CSMD1: variants seen among roughly 807,000 people sequenced by gnomAD.
CSMD1 encodes the protein CUB and Sushi multiple domains 1.
A neutral mutation model predicts 417.5 loss-of-function variants in CSMD1; 213 were observed. The observed-to-expected ratio is 0.51, with a 90% confidence interval of 0.46 to 0.57. The LOEUF (loss-of-function observed/expected upper bound fraction) is 0.57. Ranked by LOEUF, CSMD1 falls within the 20% of genes least tolerant of loss-of-function variation. CSMD1 has a pLI of 0.00. For missense variants in CSMD1, 6,923 were observed against 4,529.7 expected (o/e 1.53, Z -15.17); for synonymous variants, 2,862 against 1,736.8 (o/e 1.65, Z -16.11).
intron 1 of CSMD1, among the ~76,000 whole-genome samples, chr8:4,673,047 C>T (rs1805428931): frequency 6.6e-6 from 1 of 151,406 alleles, no homozygotes; most frequent in Non-Finnish European, 1.5e-5. Flanking sequence ...ACAACACACA[C>T]ACAAACATGC....
At chr8:3,576,149 G>T (rs1037638427) in intron 9 of CSMD1, among the ~76,000 whole-genome samples, 2 of 152,012 alleles carry the variant, frequency 1.3e-5, no homozygotes, top group African/African-American at 2.4e-5. Context: ...ACAAAACTCA[G>T]CACAACAGGA....
At chr8:4,114,847 G>C (rs1350901643) in intron 3 of CSMD1, among the ~76,000 whole-genome samples, 2 of 152,148 alleles carry the variant, frequency 1.3e-5, no homozygotes, top group African/African-American at 4.8e-5. Flanking sequence ...AGACGTGACT[G>C]AATTGCTGCA....
chr8:4,189,063 A>T (rs570304952), intron 3 of CSMD1, among the ~76,000 whole-genome samples: 31 of 152,322 alleles, frequency 2.0e-4, no homozygotes, highest in African/African-American at 7.2e-4. Flanking sequence ...TATAAGAGTG[A>T]AAGTTAATTA....
chr8:4,530,001 G>A (rs1409508782), intron 2 of CSMD1, among the ~76,000 whole-genome samples: 7 of 151,820 alleles, frequency 4.6e-5, no homozygotes, highest in East Asian at 1.9e-4. Context: ...TGCAAGCCCC[G>A]CCTTCCGGGT....
intron 2 of CSMD1, among the ~76,000 whole-genome samples, chr8:4,479,759 A>G (rs1305984430): frequency 6.6e-6 from 1 of 151,722 alleles, no homozygotes; most frequent in Non-Finnish European, 1.5e-5. Context: ...CTTCCTTAGA[A>G]GCTAATTCTC....
intron 2 of CSMD1, among the ~76,000 whole-genome samples, chr8:4,460,126 T>G (rs1799723097): frequency 6.6e-6 from 1 of 152,192 alleles, no homozygotes; most frequent in Non-Finnish European, 1.5e-5. Context: ...AGAACTACTT[T>G]CAGTTTATTT....
chr8:3,941,241 A>C (rs926643511), intron 5 of CSMD1, among the ~76,000 whole-genome samples: 1 of 152,190 alleles, frequency 6.6e-6, no homozygotes, highest in Non-Finnish European at 1.5e-5. Context: ...TGTATTAATT[A>C]AACATTTAGC....
chr8:3,918,063 T>C (rs1472592812), intron 5 of CSMD1, among the ~76,000 whole-genome samples: 1 of 152,148 alleles, frequency 6.6e-6, no homozygotes, highest in Non-Finnish European at 1.5e-5. Flanking sequence ...TATTTCATTG[T>C]ATATTCCACT....
intron 5 of CSMD1, among the ~76,000 whole-genome samples, chr8:3,766,930 G>T (rs750571810): frequency 3.9e-5 from 6 of 152,044 alleles, no homozygotes; most frequent in Non-Finnish European, 8.8e-5. Flanking sequence ...GATATCCAAC[G>T]AGTCCGACGG....
chr8:4,681,199 T>C (rs561339136), intron 1 of CSMD1, among the ~76,000 whole-genome samples: 1 of 152,264 alleles, frequency 6.6e-6, no homozygotes, highest in South Asian at 2.1e-4. Context: ...CAATTGCATT[T>C]TCTGTAGGAA....
At chr8:3,830,171 T>C (rs1464978770) in intron 5 of CSMD1, among the ~76,000 whole-genome samples, 1 of 152,202 alleles carries the variant, frequency 6.6e-6, no homozygotes, top group East Asian at 1.9e-4. Flanking sequence ...TTCTCTTCCA[T>C]GAAGCTGATT....
chr8:3,038,492 A>G (rs1360566553), intron 50 of CSMD1, among the ~76,000 whole-genome samples: 1 of 152,110 alleles, frequency 6.6e-6, no homozygotes, highest in Non-Finnish European at 1.5e-5. Context: ...GCTCTCTTTG[A>G]AAAGATTGTT....
At chr8:3,665,290 G>T (rs963043448) in intron 7 of CSMD1, among the ~76,000 whole-genome samples, 2 of 152,136 alleles carry the variant, frequency 1.3e-5, no homozygotes, top group African/African-American at 4.8e-5. Context: ...AGCACTTTAG[G>T]AGGCTGAGGT....
chr8:4,276,020 G>A (rs1286406519), intron 3 of CSMD1, among the ~76,000 whole-genome samples: 1 of 152,198 alleles, frequency 6.6e-6, no homozygotes, highest in South Asian at 2.1e-4. Context: ...TACAATGTTG[G>A]TGGGAGTGTA....
Position 3,754,053 on chromosome 8 carries a change from G to A in CSMD1, c.819-11C>T, listed in dbSNP as rs752214319. 4 of 1,586,280 alleles carry A rather than the reference G, an allele frequency of 2.5e-6. No homozygotes were observed. The highest frequency in any genetic ancestry group is 1.7e-5 in the Admixed American group (1 of 58,888). On this transcript the variant is annotated splice_polypyrimidine_tract_variant and intron_variant, in intron 5 of 69. Transcript: ENST00000635120. ...TTCATGCCAGTTAGCCTAGAGAAGAGAAAGAGGAAAAAAATCTCCCTTGTA... is the reference window on the plus strand; with the variant it reads ...TTCATGCCAGTTAGCCTAGAGAAGAAAAAGAGGAAAAAAATCTCCCTTGTA...
At chr8:3,676,277 C>T (rs942550933) in intron 7 of CSMD1, among the ~76,000 whole-genome samples, 1 of 152,130 alleles carries the variant, frequency 6.6e-6, no homozygotes, top group African/African-American at 2.4e-5. Context: ...TAAGTATTTA[C>T]CAACTCTGTG....
At chr8:3,080,890 C>A (rs187800765) in intron 49 of CSMD1, among the ~76,000 whole-genome samples, 1 of 151,886 alleles carries the variant, frequency 6.6e-6, no homozygotes, top group African/African-American at 2.4e-5. Flanking sequence ...ATTTCAAATC[C>A]GAGTAATTTT....
At chr8:3,217,027 GATGCAATGACATCACTGCCCTAGGCTGC>G (rs1413954008) in intron 29 of CSMD1, among the ~76,000 whole-genome samples, 3 of 151,640 alleles carry the variant, frequency 2.0e-5, no homozygotes, top group Admixed American at 6.6e-5. Context: ...CTCCAGGCTA[GATGCAATGACATCACTGCCCTAGGCTGC>G]ATGCAATGAC....
At chr8:4,841,782 A>T (rs572171997) in intron 1 of CSMD1, among the ~76,000 whole-genome samples, 1 of 151,800 alleles carries the variant, frequency 6.6e-6, no homozygotes. Flanking sequence ...GTGGTGGCAC[A>T]TGCCTGTAAT....
Sources: allele counts gnomAD v4.1 joint callset (sites outside exome capture counted in the v4.1 genomes callset), GRCh38; gene constraint gnomAD v4.1.1; transcripts MANE v1.5; gene names NCBI Gene and HGNC (gene_info 2026-07-23, HGNC 2026-07-21).